Variants in EML5 observed in about 807,000 individuals in gnomAD.
The protein encoded by EML5 is echinoderm microtubule-associated protein-like 5.
EML5 carries 120 observed loss-of-function variants against 250.0 expected under a neutral mutation model. That is an observed-to-expected ratio of 0.48 (90% CI 0.41 to 0.56). The LOEUF is 0.56. Ranked by LOEUF, EML5 falls within the 20% of genes least tolerant of loss-of-function variation. The pLI is 0.00. For synonymous variants in EML5, 771 were observed against 806.5 expected, an observed-to-expected ratio of 0.96 and a Z score of 0.75; for missense variants, 2,006 against 2,437.6, an observed-to-expected ratio of 0.82 and a Z score of 3.73.
intron 1 of EML5, among the ~76,000 whole-genome samples, chr14:88,773,157 C>T (rs1224921313): frequency 1.3e-5 from 2 of 152,340 alleles, no homozygotes; most frequent in South Asian, 2.1e-4. Context: ...AGCTACTCCA[C>T]GAGTCTGCTG....
At chr14:88,661,875 A>G in intron 24 of EML5, 45 bp from the exon 25 acceptor site, 2 of 1,540,560 alleles carry the variant, frequency 1.3e-6, no homozygotes, top group Non-Finnish European at 1.8e-6. Context: ...ATCCAAACCT[A>G]AAGTATTAAC....
chr14:88,732,180 A>G (rs1409963728), intron 7 of EML5, among the ~76,000 whole-genome samples: 2 of 152,132 alleles, frequency 1.3e-5, no homozygotes, highest in African/African-American at 2.4e-5. Context: ...GTTTCCTTCT[A>G]GGGTTTTTAT....
rs1376895623 is a variant in EML5, at chr14:88,743,902, T to G, written c.525+121A>C. The G allele has an allele frequency of 5.6e-5, 28 of 500,694 alleles. No homozygotes were observed. The Admixed American group carries it at 1.1e-3, about 20-fold the overall frequency. The allele number at this position is 500,694 out of a possible 1,614,324, so 31.0% of individuals were successfully genotyped here. On this transcript the variant is annotated intron_variant, in intron 4 of 43. Coordinates refer to ENST00000554922, the MANE Select transcript of EML5 (RefSeq NM_183387.3). ...CTGAACATAAGAACAATAAAAACAT[T>G]GCCATTTTAAAAATAAGTACTATCA...
intron 16 of EML5, among the ~76,000 whole-genome samples, chr14:88,694,896 T>C (rs892787735): frequency 6.6e-6 from 1 of 152,138 alleles, no homozygotes; most frequent in South Asian, 2.1e-4. Context: ...GTTCCTCCTT[T>C]AAAGCATTGT....
intron 8 of EML5, among the ~76,000 whole-genome samples, chr14:88,723,088 TAA>T (rs1298420009): frequency 1.3e-5 from 2 of 151,902 alleles, no homozygotes; most frequent in Non-Finnish European, 2.9e-5. Flanking sequence ...TACACATGAA[TAA>T]AAAAGAGATA....
intron 1 of EML5, among the ~76,000 whole-genome samples, chr14:88,759,695 A>AAAAAAAAAAAAAAAAAAAAAAAAAT (rs2094210544): frequency 6.6e-6 from 1 of 150,654 alleles, no homozygotes; most frequent in African/African-American, 2.5e-5. Flanking sequence ...TAAAAAAAAA[A>AAAAAAAAAAAAAAAAAAAAAAAAAT]AAAAAAAAAC....
chr14:88,613,443 A>G lies in EML5; in HGVS notation c.*2375T>C, dbSNP rs1341029466. ...CAGTTTCACTATAAATTATAGAACA[A>G]ATGGGAAACAAGGGTTTAATTTAGT... On this transcript the variant is annotated 3_prime_UTR_variant, in exon 44 of 44. Transcript: ENST00000554922. The G allele has an allele frequency of 6.6e-6, 1 of 152,210 alleles. No homozygotes were observed. Among genetic ancestry groups the G allele is most frequent in the Non-Finnish European group, 1.5e-5 (1 of 68,034 alleles). 9.4% of individuals were successfully genotyped at this position (152,210 alleles called of 1,614,324 possible).
intron 38 of EML5, 79 bp downstream of exon 38, chr14:88,621,034 T>C: frequency 6.7e-7 from 1 of 1,493,734 alleles, no homozygotes; most frequent in South Asian, 1.4e-5. Context: ...TGGCAGTTCT[T>C]TAAGTACTAG....
At chr14:88,766,384 T>G (rs201541273) in intron 1 of EML5, among the ~76,000 whole-genome samples, 2 of 152,320 alleles carry the variant, frequency 1.3e-5, no homozygotes, top group East Asian at 3.9e-4. Context: ...AGAGAATGTG[T>G]TCCCAAGGGG....
chr14:88,716,760 CA>C (rs2093501379), intron 8 of EML5, among the ~76,000 whole-genome samples: 1 of 151,814 alleles, frequency 6.6e-6, no homozygotes, highest in Non-Finnish European at 1.5e-5. Flanking sequence ...CACACACACA[CA>C]CACGGTAGAA....
intron 27 of EML5, 101 bp downstream of exon 27, chr14:88,657,275 A>C: frequency 8.6e-7 from 1 of 1,160,460 alleles, no homozygotes; most frequent in Non-Finnish European, 1.2e-6. Flanking sequence ...TAGCAAGAAT[A>C]TCACTGTTAC....
chr14:88,623,416 A>G (rs549172994), intron 36 of EML5: 1 of 152,190 alleles, frequency 6.6e-6, no homozygotes, highest in African/African-American at 2.4e-5. Flanking sequence ...GCTATGCTAC[A>G]GAGTTGATTT....
intron 14 of EML5, among the ~76,000 whole-genome samples, chr14:88,699,792 G>A (rs1002823613): frequency 6.6e-6 from 1 of 152,072 alleles, no homozygotes; most frequent in Non-Finnish European, 1.5e-5. Context: ...TCCAGGCTTA[G>A]GCAACCAAGT....
intron 17 of EML5, among the ~76,000 whole-genome samples, chr14:88,692,674 C>T (rs949634376): frequency 6.6e-6 from 1 of 152,116 alleles, no homozygotes; most frequent in Non-Finnish European, 1.5e-5. Context: ...GTATATGCTG[C>T]GAATTTGCAA....
chr14:88,668,397 C>T (rs915528048), intron 21 of EML5, among the ~76,000 whole-genome samples: 8 of 151,446 alleles, frequency 5.3e-5, no homozygotes, highest in Non-Finnish European at 1.0e-4. Flanking sequence ...GAAACAGACA[C>T]GCACGGGTTC....
intron 6 of EML5, among the ~76,000 whole-genome samples, chr14:88,737,408 C>T (rs531367136): frequency 6.8e-4 from 104 of 152,332 alleles, no homozygotes; most frequent in Middle Eastern, 3.4e-3. Context: ...AGCATGGATC[C>T]TGCAGCAAGT....
At position 88,622,648 on chromosome 14, in the gene EML5, T is replaced by C; in HGVS notation, c.4969A>G (p.Thr1657Ala). The C allele has an allele frequency of 6.2e-7, 1 of 1,611,694 alleles. No individual in the cohort carries two copies. ...LRRCRAFRLE[T>A]GQATDCVRSV... ...CGAACACAATCTGTGGCTTGTCCTG[T>C]CTCAAGCCTGAAGGCACGGCACCGC... The change falls in exon 37 of 44, where the codon ACA (threonine) becomes GCA (alanine). Residue 1657 changes from threonine (T) to alanine (A), a missense_variant. By Grantham distance (58) the Thr-to-Ala change is moderately conservative. Transcript: ENST00000554922.
chr14:88,791,376 T>C (rs1449951346), intron 1 of EML5, among the ~76,000 whole-genome samples: 1 of 152,204 alleles, frequency 6.6e-6, no homozygotes, highest in Non-Finnish European at 1.5e-5. Flanking sequence ...CTCAATTGCT[T>C]TTAATATATT....
At chr14:88,785,011 A>AT (rs1404723728) in intron 1 of EML5, among the ~76,000 whole-genome samples, 2 of 152,374 alleles carry the variant, frequency 1.3e-5, no homozygotes, top group Middle Eastern at 3.4e-3. Context: ...CTAGTCAGCC[A>AT]TAAAAAAACG....
Sources: allele counts gnomAD v4.1 joint callset (sites outside exome capture counted in the v4.1 genomes callset), GRCh38; gene constraint gnomAD v4.1.1; transcripts MANE v1.5; gene names NCBI Gene and HGNC (gene_info 2026-07-23, HGNC 2026-07-21).